The following UMAD1 variants were observed in gnomAD, a reference collection of about 807,000 sequenced individuals.
The protein encoded by UMAD1 is UBAP1-MVB12-associated (UMA) domain containing 1.
A neutral mutation model predicts 6.1 loss-of-function variants in UMAD1; 8 were observed. The observed-to-expected ratio is 1.30, with a 90% CI of 0.76 to 2.35. The LOEUF is 2.35. Ranked by LOEUF, UMAD1 falls within the 30% of genes most tolerant of loss-of-function variation. The pLI is 0.00. For synonymous variants in UMAD1, 56 were observed against 31.4 expected (o/e 1.78, Z -2.61); for missense variants, 130 against 78.4 (o/e 1.66, Z -2.49).
At chr7:7,698,996 A>C (rs1292560064) in intron 2 of UMAD1, among the ~76,000 whole-genome samples, 1 of 150,538 alleles carries the variant, frequency 6.6e-6, no homozygotes, top group Admixed American at 6.6e-5. Context: ...CTGGGACTAC[A>C]GGAGTGCACC....
chr7:7,856,876 T>G (rs1329451498), intron 3 of UMAD1, among the ~76,000 whole-genome samples: 3 of 152,208 alleles, frequency 2.0e-5, no homozygotes, highest in African/African-American at 7.2e-5. Flanking sequence ...AGGAATAGCA[T>G]CAGTTGGGCA....
chr7:7,791,296 T>A (rs1782563285), intron 2 of UMAD1, among the ~76,000 whole-genome samples: 1 of 152,240 alleles, frequency 6.6e-6, no homozygotes, highest in African/African-American at 2.4e-5. Context: ...TAGAGCCTGT[T>A]GTCAGTGGAA....
At chr7:7,689,515 T>C (rs1220205623) in intron 2 of UMAD1, 1 of 152,196 alleles carries the variant, frequency 6.6e-6, no homozygotes, top group African/African-American at 2.4e-5. Flanking sequence ...TAGGTTTATG[T>C]TACTTGCAGC....
chr7:7,715,856 G>A (rs1780889001), intron 2 of UMAD1, among the ~76,000 whole-genome samples: 1 of 152,152 alleles, frequency 6.6e-6, no homozygotes, highest in Non-Finnish European at 1.5e-5. Context: ...TTAAAAAATA[G>A]TATCGTGATA....
intron 3 of UMAD1, among the ~76,000 whole-genome samples, chr7:7,852,044 T>C (rs1783926055): frequency 6.6e-6 from 1 of 152,180 alleles, no homozygotes; most frequent in Non-Finnish European, 1.5e-5. Context: ...GAGTTAATTT[T>C]TGTATATGGT....
At chr7:7,875,410 T>C (rs1450870324) in intron 3 of UMAD1, among the ~76,000 whole-genome samples, 1 of 152,170 alleles carries the variant, frequency 6.6e-6, no homozygotes, top group Non-Finnish European at 1.5e-5. Flanking sequence ...GAGCTGGTTT[T>C]TTGAAAGATT....
At chr7:7,747,290 G>T (rs961107870) in intron 2 of UMAD1, among the ~76,000 whole-genome samples, 1 of 152,128 alleles carries the variant, frequency 6.6e-6, no homozygotes, top group East Asian at 1.9e-4. Context: ...TAGGTAATCA[G>T]TATTATTCTT....
intron 2 of UMAD1, among the ~76,000 whole-genome samples, chr7:7,685,407 TC>T (rs1246423201): frequency 6.6e-6 from 1 of 151,870 alleles, no homozygotes; most frequent in Non-Finnish European, 1.5e-5. Flanking sequence ...CCTCATGGGT[TC>T]AAGCGATTCT....
intron 3 of UMAD1, among the ~76,000 whole-genome samples, chr7:7,876,367 T>C (rs182997844): frequency 5.8e-4 from 89 of 152,276 alleles, no homozygotes; most frequent in East Asian, 7.7e-4. Context: ...AAGGAGCTAG[T>C]AGGCCTCTGT....
chr7:7,791,842 C>T lies in UMAD1; in HGVS notation c.83-9828C>T, dbSNP rs185367048. Among the ~76,000 whole-genome samples, 4 of 152,286 alleles carry T rather than the reference C, an allele frequency of 2.6e-5. 1 individual carries two copies. The highest frequency in any genetic ancestry group is 2.6e-4 in the Admixed American group (4 of 15,302). ...AAGCATGTTTTTGAGCTGTATGATT[C>T]GAACAGCAATCACATTTAAAATCTA... On this transcript the variant is annotated intron_variant, in intron 2 of 3. Transcript: ENST00000682710.
intron 3 of UMAD1, among the ~76,000 whole-genome samples, chr7:7,816,781 T>G (rs1188094387): frequency 2.0e-5 from 3 of 152,208 alleles, no homozygotes; most frequent in Non-Finnish European, 2.9e-5. Context: ...TTATCTGTCC[T>G]TTCCTCTACC....
At chr7:7,712,496 TTC>T (rs1019932707) in intron 2 of UMAD1, among the ~76,000 whole-genome samples, 10 of 152,214 alleles carry the variant, frequency 6.6e-5, no homozygotes, top group Non-Finnish European at 1.3e-4. Context: ...AAGTTGTATT[TTC>T]TGTTTGTTGC....
Position 7,818,653 on chromosome 7 carries a change from C to T in UMAD1, c.156+16910C>T, listed in dbSNP as rs973732523. Among the ~76,000 whole-genome samples the T allele has an allele frequency of 8.5e-5, 13 of 152,130 alleles. No homozygotes were observed. The South Asian group carries it at 2.7e-3, about 32-fold the overall frequency. On this transcript the variant is annotated intron_variant, in intron 3 of 3. Coordinates refer to ENST00000682710, the MANE Select transcript of UMAD1 (RefSeq NM_001302348.2). ...AGAAATACCATTTGACCCAGCAATA[C>T]CTTTACTGTATATACCCAAAGGAAT... is the stretch of plus-strand genomic sequence containing the variant.
At chr7:7,831,990 T>C (rs1430461656) in intron 3 of UMAD1, among the ~76,000 whole-genome samples, 2 of 152,200 alleles carry the variant, frequency 1.3e-5, no homozygotes, top group African/African-American at 2.4e-5. Flanking sequence ...TAGATGTGTA[T>C]GCAGTTTTTG....
chr7:7,643,375 T>G (rs967916952), intron 1 of UMAD1, among the ~76,000 whole-genome samples: 2 of 152,182 alleles, frequency 1.3e-5, no homozygotes, highest in African/African-American at 4.8e-5. Flanking sequence ...CGGCAGCCTA[T>G]CCTAAGGAAA....
intron 2 of UMAD1, among the ~76,000 whole-genome samples, chr7:7,712,658 G>T (rs917987506): frequency 1.3e-5 from 2 of 152,004 alleles, no homozygotes; most frequent in African/African-American, 2.4e-5. Flanking sequence ...AATCCTTGTG[G>T]TTTCATTTTA....
chr7:7,693,327 C>CTATCTATCTATT (rs1780224590), intron 2 of UMAD1, among the ~76,000 whole-genome samples: 1 of 151,970 alleles, frequency 6.6e-6, no homozygotes, highest in Non-Finnish European at 1.5e-5. Context: ...ATCTATCTAT[C>CTATCTATCTATT]TATCTATCTA....
chr7:7,847,076 AGACAGCAATGC>A (rs1345077960), intron 3 of UMAD1, among the ~76,000 whole-genome samples: 1 of 83,698 alleles, frequency 1.2e-5, no homozygotes, highest in African/African-American at 4.1e-5. Context: ...AAAAAAAAAA[AGACAGCAATGC>A]AAAAAAAAAA....
intron 3 of UMAD1, among the ~76,000 whole-genome samples, chr7:7,808,277 G>A (rs1383980785): frequency 2.6e-5 from 4 of 151,860 alleles, no homozygotes; most frequent in African/African-American, 9.7e-5. Flanking sequence ...CTTCTACTGT[G>A]TTCTACTAGT....
Sources: gnomAD v4.1 joint callset for allele counts (sites outside exome capture counted in the v4.1 genomes callset) on GRCh38, gnomAD v4.1.1 for gene constraint, MANE v1.5 for transcripts, NCBI Gene and HGNC (gene_info 2026-07-23, HGNC 2026-07-21) for gene names.